The following DTWD2 variants were observed in gnomAD, a reference collection of about 807,000 sequenced individuals.
DTWD2 encodes the protein tRNA-uridine aminocarboxypropyltransferase 2.
DTWD2 carries 39 observed loss-of-function variants against 31.8 expected under a neutral mutation model. That is an observed-to-expected ratio of 1.22 (90% CI 0.95 to 1.60). DTWD2 has a LOEUF of 1.60. Ranked by LOEUF, DTWD2 falls within the 40% of genes most tolerant of loss-of-function variation. The pLI, the probability that DTWD2 is intolerant of heterozygous loss-of-function variation, is 0.00. For synonymous variants in DTWD2, 180 were observed against 142.8 expected (o/e 1.26, Z -1.86); for missense variants, 515 against 381.5 (o/e 1.35, Z -2.92).
At chr5:118,970,225 G>A (rs200096312) in intron 1 of DTWD2, among the ~76,000 whole-genome samples, 1 of 152,148 alleles carries the variant, frequency 6.6e-6, no homozygotes, top group Non-Finnish European at 1.5e-5. Context: ...TCAGGAGTTC[G>A]AGACCAGCCT....
chr5:118,957,811 A>G (rs1754621074), intron 1 of DTWD2, among the ~76,000 whole-genome samples: 1 of 152,086 alleles, frequency 6.6e-6, no homozygotes, highest in Non-Finnish European at 1.5e-5. Context: ...CACCCGAAAT[A>G]TATATTGTGC....
At chr5:118,900,952 C>T (rs1341018381) in intron 4 of DTWD2, among the ~76,000 whole-genome samples, 1 of 150,756 alleles carries the variant, frequency 6.6e-6, no homozygotes, top group Non-Finnish European at 1.5e-5. Context: ...AAAAATGACT[C>T]AAAATCATAT....
chr5:118,967,372 A>G (rs1754875996), intron 1 of DTWD2, among the ~76,000 whole-genome samples: 1 of 152,234 alleles, frequency 6.6e-6, no homozygotes, highest in Admixed American at 6.5e-5. Context: ...TAAACATCTC[A>G]GTAGCAATAA....
At chr5:118,972,157 C>G (rs1205437539) in intron 1 of DTWD2, among the ~76,000 whole-genome samples, 1 of 151,890 alleles carries the variant, frequency 6.6e-6, no homozygotes, top group Non-Finnish European at 1.5e-5. Flanking sequence ...TATGACAACC[C>G]CTTCAAAAAA....
Position 118,894,826 on chromosome 5 carries a change from C to A in DTWD2, c.597+33711G>T, listed in dbSNP as rs930561669. Among the ~76,000 whole-genome samples the A allele has an allele frequency of 1.4e-4, 22 of 152,122 alleles. No individual in the cohort carries two copies. The East Asian group carries it at 1.9e-3, about 13-fold the overall frequency. The stretch of plus-strand genomic sequence containing the variant: ...ATTCAACATCCTTTCATGATAAAAA[C>A]CCTCAACAAACCTGGTACAGAAAAA... On this transcript the variant is annotated intron_variant, in intron 4 of 5. Coordinates refer to ENST00000510708, the MANE Select transcript of DTWD2 (RefSeq NM_173666.4).
intron 4 of DTWD2, among the ~76,000 whole-genome samples, chr5:118,901,259 G>A (rs1753205655): frequency 6.6e-6 from 1 of 152,052 alleles, no homozygotes; most frequent in Non-Finnish European, 1.5e-5. Flanking sequence ...TAGTAAAAAA[G>A]GGGAGGGGAG....
chr5:118,925,034 T>A (rs1436789944), intron 4 of DTWD2, among the ~76,000 whole-genome samples: 1 of 152,216 alleles, frequency 6.6e-6, no homozygotes, highest in Non-Finnish European at 1.5e-5. Context: ...TAGTCTCATC[T>A]AAAAACAATG....
At chr5:118,861,644 T>C (rs930096981) in intron 4 of DTWD2, among the ~76,000 whole-genome samples, 1 of 152,182 alleles carries the variant, frequency 6.6e-6, no homozygotes, top group African/African-American at 2.4e-5. Flanking sequence ...TAAACATTTA[T>C]TGAGTACCAA....
chr5:118,885,313 T>C (rs904290071), intron 4 of DTWD2, among the ~76,000 whole-genome samples: 1 of 150,898 alleles, frequency 6.6e-6, no homozygotes, highest in Non-Finnish European at 1.5e-5. Context: ...ATTAGCTGGG[T>C]GTGGTGGCGG....
At chr5:118,910,949 G>C (rs1388245265) in intron 4 of DTWD2, among the ~76,000 whole-genome samples, 2 of 152,056 alleles carry the variant, frequency 1.3e-5, no homozygotes, top group African/African-American at 2.4e-5. Flanking sequence ...ATTCATGAAG[G>C]CAGAGGTCTC....
chr5:118,974,571 G>A (rs769788037), intron 1 of DTWD2: 9 of 501,110 alleles, frequency 1.8e-5, no homozygotes, highest in Middle Eastern at 3.5e-4. Flanking sequence ...AAGCAAAAAT[G>A]ACAACAGAAA....
chr5:118,975,653 T>C (rs1481439557), intron 1 of DTWD2, among the ~76,000 whole-genome samples: 1 of 152,206 alleles, frequency 6.6e-6, no homozygotes, highest in Non-Finnish European at 1.5e-5. Flanking sequence ...TTTTTCCTCA[T>C]CTTCATGGAT....
At chr5:118,877,051 T>C (rs1752636630) in intron 4 of DTWD2, among the ~76,000 whole-genome samples, 1 of 152,236 alleles carries the variant, frequency 6.6e-6, no homozygotes, top group Non-Finnish European at 1.5e-5. Flanking sequence ...GCTTTATCCC[T>C]GGAATGCAAG....
chr5:118,913,003 T>C (rs758168128), intron 4 of DTWD2, among the ~76,000 whole-genome samples: 4 of 152,212 alleles, frequency 2.6e-5, no homozygotes, highest in African/African-American at 9.6e-5. Flanking sequence ...TTTGCAGGTA[T>C]AGTTAGGGCT....
chr5:118,903,006 T>C (rs1394408142), intron 4 of DTWD2, among the ~76,000 whole-genome samples: 1 of 152,094 alleles, frequency 6.6e-6, no homozygotes, highest in Admixed American at 6.5e-5. Context: ...AAACAGATTT[T>C]AGTACTAATA....
At chr5:118,928,394 A>G (rs1009876696) in intron 4 of DTWD2, 143 bp downstream of exon 4, 6 of 426,034 alleles carry the variant, frequency 1.4e-5, no homozygotes, top group Admixed American at 4.5e-5. Flanking sequence ...ATAAGCATAC[A>G]TATATCTAGG....
chr5:118,935,042 G>A (rs1754006805), intron 3 of DTWD2, among the ~76,000 whole-genome samples: 1 of 152,074 alleles, frequency 6.6e-6, no homozygotes, highest in Non-Finnish European at 1.5e-5. Context: ...TAAGGGGAAG[G>A]AGAGAGGCTA....
At chr5:118,952,104 T>TA (rs1754478740) in intron 1 of DTWD2, among the ~76,000 whole-genome samples, 1 of 152,024 alleles carries the variant, frequency 6.6e-6, no homozygotes, top group Admixed American at 6.6e-5. Flanking sequence ...GAGAAGACAG[T>TA]AAAAAGACGC....
At chr5:118,933,828 T>C (rs1305132297) in intron 3 of DTWD2, among the ~76,000 whole-genome samples, 5 of 151,456 alleles carry the variant, frequency 3.3e-5, no homozygotes, top group African/African-American at 1.2e-4. Context: ...AAACCATATA[T>C]ACTCCTCAGA....
Sources: allele counts gnomAD v4.1 joint callset (sites outside exome capture counted in the v4.1 genomes callset), GRCh38; gene constraint gnomAD v4.1.1; transcripts MANE v1.5; gene names NCBI Gene and HGNC (gene_info 2026-07-23, HGNC 2026-07-21).